Variants in PLCB1 observed in about 807,000 individuals in gnomAD.
PLCB1 encodes 1-phosphatidylinositol 4,5-bisphosphate phosphodiesterase beta-1.
Under a neutral mutation model 161.8 loss-of-function variants are expected in PLCB1, and 46 were observed. The observed-to-expected ratio is 0.28, with a 90% CI of 0.22 to 0.36. The LOEUF (loss-of-function observed/expected upper bound fraction) is 0.36, where lower values mean the gene tolerates loss of function less well. Ranked by LOEUF, PLCB1 falls within the 10% of genes least tolerant of loss-of-function variation. The pLI is 1.00. For synonymous variants in PLCB1, 517 were observed against 503.7 expected (o/e 1.03, Z -0.35); for missense variants, 1,016 against 1,472.5 (o/e 0.69, Z 5.07).
chr20:8,211,626 T>G (rs1049705504), intron 2 of PLCB1, among the ~76,000 whole-genome samples: 1 of 152,156 alleles, frequency 6.6e-6, no homozygotes, highest in Admixed American at 6.6e-5. Flanking sequence ...TGGATATTGA[T>G]GATGAAGTAA....
chr20:8,839,117 C>G (rs1212584700), intron 31 of PLCB1, among the ~76,000 whole-genome samples: 2 of 152,168 alleles, frequency 1.3e-5, no homozygotes, highest in African/African-American at 2.4e-5. Context: ...GTAGCAACTA[C>G]TCTAGTTTTA....
chr20:8,880,743 G>A (rs985980150), intron 31 of PLCB1, among the ~76,000 whole-genome samples: 4 of 151,142 alleles, frequency 2.6e-5, no homozygotes, highest in Admixed American at 1.3e-4. Context: ...ACCTTGGAAC[G>A]CTCACCTATC....
intron 10 of PLCB1, among the ~76,000 whole-genome samples, chr20:8,685,438 C>G (rs1006454475): frequency 6.6e-6 from 1 of 151,850 alleles, no homozygotes; most frequent in Admixed American, 6.6e-5. Flanking sequence ...ATGACAGCTC[C>G]GAAGTTCTTA....
At chr20:8,172,752 C>A (rs2051745411) in intron 2 of PLCB1, among the ~76,000 whole-genome samples, 1 of 152,092 alleles carries the variant, frequency 6.6e-6, no homozygotes, top group East Asian at 1.9e-4. Flanking sequence ...CTATACATCC[C>A]AGACATAATG....
At chr20:8,588,596 G>T (rs112417847) in intron 3 of PLCB1, among the ~76,000 whole-genome samples, 13 of 152,242 alleles carry the variant, frequency 8.5e-5, no homozygotes, top group South Asian at 4.1e-4. Flanking sequence ...CTAAGAGGAA[G>T]AAACATCTGA....
At chr20:8,729,781 A>AGTT in intron 18 of PLCB1, 1 of 152,142 alleles carries the variant, frequency 6.6e-6, no homozygotes, top group South Asian at 2.1e-4. Flanking sequence ...CTAACGTTAA[A>AGTT]AGATGTGAAC....
intron 3 of PLCB1, among the ~76,000 whole-genome samples, chr20:8,493,499 C>G (rs978207136): frequency 1.3e-5 from 2 of 152,182 alleles, no homozygotes; most frequent in African/African-American, 4.8e-5. Flanking sequence ...CTTTGGTTTG[C>G]TTCGTGTCTC....
intron 9 of PLCB1, among the ~76,000 whole-genome samples, chr20:8,677,619 A>G (rs1200995358): frequency 6.6e-6 from 1 of 152,162 alleles, no homozygotes; most frequent in Non-Finnish European, 1.5e-5. Flanking sequence ...AAATTGCCAG[A>G]GGGACAAAAA....
chr20:8,523,465 G>GCTCGCT (rs1984434149), intron 3 of PLCB1, among the ~76,000 whole-genome samples: 1 of 48,796 alleles, frequency 2.0e-5, no homozygotes, highest in Non-Finnish European at 3.6e-5. Context: ...TATATATTTG[G>GCTCGCT]CTCTCTCTCT....
At chr20:8,424,293 G>A (rs917082284) in intron 3 of PLCB1, among the ~76,000 whole-genome samples, 10 of 152,156 alleles carry the variant, frequency 6.6e-5, no homozygotes, top group Non-Finnish European at 1.2e-4. Flanking sequence ...GTCATAGGAC[G>A]GGAATCCAGA....
intron 31 of PLCB1, chr20:8,831,309 C>T (rs1568616603): frequency 6.5e-6 from 1 of 153,260 alleles, no homozygotes; most frequent in Non-Finnish European, 1.5e-5. Context: ...TGAAGCTGGA[C>T]CTCAACTCTG....
intron 9 of PLCB1, among the ~76,000 whole-genome samples, chr20:8,682,059 G>A (rs895237410): frequency 6.6e-6 from 1 of 152,036 alleles, no homozygotes; most frequent in Non-Finnish European, 1.5e-5. Flanking sequence ...TGAAGGCAGA[G>A]GCTGTGTTTT....
At chr20:8,451,888 CCTT>C (rs1981089318) in intron 3 of PLCB1, among the ~76,000 whole-genome samples, 1 of 151,482 alleles carries the variant, frequency 6.6e-6, no homozygotes, top group African/African-American at 2.4e-5. Flanking sequence ...CTTTTTTCCT[CCTT>C]ATTTCTTGCT....
At chr20:8,369,261 T>C (rs558651720) in intron 2 of PLCB1, among the ~76,000 whole-genome samples, 2 of 152,282 alleles carry the variant, frequency 1.3e-5, no homozygotes, top group South Asian at 4.1e-4. Flanking sequence ...CTTCAGTCAG[T>C]TCCTCCATTG....
At chr20:8,473,389 T>C (rs1982139640) in intron 3 of PLCB1, among the ~76,000 whole-genome samples, 1 of 152,204 alleles carries the variant, frequency 6.6e-6, no homozygotes, top group Admixed American at 6.5e-5. Flanking sequence ...CTTTAATAAG[T>C]TCTCTTCAAA....
chr20:8,166,896 G>T (rs2051681332), intron 2 of PLCB1, among the ~76,000 whole-genome samples: 1 of 152,014 alleles, frequency 6.6e-6, no homozygotes, highest in Admixed American at 6.6e-5. Context: ...CCCCTCCCCT[G>T]CTTCACCACA....
At chr20:8,821,931 C>T (rs6056169) in intron 31 of PLCB1, among the ~76,000 whole-genome samples, 3 of 152,098 alleles carry the variant, frequency 2.0e-5, no homozygotes, top group Admixed American at 6.5e-5. Flanking sequence ...GCCACAATTC[C>T]TCCAGATATC....
At chr20:8,371,326 A>G in intron 2 of PLCB1, 56 bp from the exon 3 acceptor site, 1 of 1,211,942 alleles carries the variant, frequency 8.3e-7, no homozygotes, top group African/African-American at 1.5e-5. Flanking sequence ...AATGACATAA[A>G]ACAAAGAGGA....
chr20:8,229,114 G>A (rs1050455450), intron 2 of PLCB1, among the ~76,000 whole-genome samples: 3 of 152,070 alleles, frequency 2.0e-5, no homozygotes, highest in Admixed American at 6.6e-5. Flanking sequence ...TGTAGCTTCC[G>A]TATGTGAATG....
Sources: allele counts gnomAD v4.1 joint callset (sites outside exome capture counted in the v4.1 genomes callset), GRCh38; gene constraint gnomAD v4.1.1; transcripts MANE v1.5; gene names NCBI Gene and HGNC (gene_info 2026-07-23, HGNC 2026-07-21).